Variants in GEMIN7 observed in about 807,000 individuals in gnomAD.
The protein encoded by GEMIN7 is gem nuclear organelle associated protein 7, also known as gem-associated protein 7.
In GEMIN7, 7 loss-of-function variants were observed where a neutral mutation model predicts 7.8. The ratio of observed to expected loss-of-function variants is 0.90; its 90% confidence interval spans 0.51 to 1.69. GEMIN7 has a LOEUF of 1.69. Ranked by LOEUF, GEMIN7 falls within the 40% of genes most tolerant of loss-of-function variation. The pLI is 0.00. For missense variants in GEMIN7, 159 were observed against 176.2 expected, an observed-to-expected ratio of 0.90 and a Z score of 0.55; for synonymous variants, 68 against 72.4, an observed-to-expected ratio of 0.94 and a Z score of 0.31.
chr19:45,079,119 A>G (rs376551838), upstream of GEMIN7: 34 of 152,114 alleles, frequency 2.2e-4, no homozygotes, highest in African/African-American at 8.2e-4. Flanking sequence ...CCAGGTGGCG[A>G]CCCGGGCTGT....
intron 2 of GEMIN7, among the ~76,000 whole-genome samples, chr19:45,080,765 G>T (rs56133643): frequency 0.56 from 74,846 of 134,634 alleles, 20,943 homozygotes; most frequent in African/African-American, 0.66. Context: ...CTTGTTTTTT[G>T]TTTTTTTTTT....
intron 2 of GEMIN7, among the ~76,000 whole-genome samples, chr19:45,085,914 CT>C (rs1169845243): frequency 1.4e-5 from 2 of 144,658 alleles, no homozygotes; most frequent in African/African-American, 2.6e-5. Flanking sequence ...GTCGCCCAGG[CT>C]GGAGTGCAGT....
intron 2 of GEMIN7, among the ~76,000 whole-genome samples, chr19:45,082,505 A>G (rs986500754): frequency 1.6e-4 from 25 of 152,282 alleles, no homozygotes; most frequent in African/African-American, 6.0e-4. Context: ...TGAGCCCACA[A>G]AGGCGGAACT....
At chr19:45,085,993 G>A (rs369854828) in intron 2 of GEMIN7, among the ~76,000 whole-genome samples, 2 of 142,472 alleles carry the variant, frequency 1.4e-5, no homozygotes, top group Non-Finnish European at 3.0e-5. Flanking sequence ...TCAGCCTCCC[G>A]AGTAGCTGGG....
At chr19:45,075,972 G>A (rs1967339186), upstream of GEMIN7, 1 of 1,580,586 alleles carries the variant, frequency 6.3e-7, no homozygotes, top group Non-Finnish European at 8.6e-7. Context: ...GGGCAGGACG[G>A]GGCGAAGGAG....
chr19:45,082,173 T>C (rs1967525909), intron 2 of GEMIN7, among the ~76,000 whole-genome samples: 1 of 152,056 alleles, frequency 6.6e-6, no homozygotes, highest in South Asian at 2.1e-4. Context: ...ACCCAAATTG[T>C]CATCACAGCC....
intron 2 of GEMIN7, among the ~76,000 whole-genome samples, chr19:45,081,284 G>C (rs10401638): frequency 0.56 from 84,870 of 151,890 alleles, 24,534 homozygotes; most frequent in African/African-American, 0.68. Context: ...TGGCCAAACC[G>C]CGTCTCTACT....
chr19:45,076,424 G>C (rs935184737), upstream of GEMIN7: 1 of 1,201,586 alleles, frequency 8.3e-7, no homozygotes, highest in African/African-American at 1.6e-5. This position sits in a 1 kb window ranked among gnomAD's most constrained non-coding sequence, Gnocchi z 4.9. Context: ...AGGCGGGCGG[G>C]CGGAGGACGC....
chr19:45,079,868 G>C (rs1261327922), intron 1 of GEMIN7, 39 bp from the exon 2 acceptor site: 1 of 152,266 alleles, frequency 6.6e-6, no homozygotes, highest in Non-Finnish European at 1.5e-5. Flanking sequence ...ATGTGTGTGT[G>C]TGTCTGTGGA....
rs940234451 is a variant in GEMIN7 at position 45,079,999 on chromosome 19, T to C, written c.-39T>C. 1.8e-4 allele frequency: 28 copies of C among 152,260 alleles called. No homozygotes were observed. Among genetic ancestry groups the C allele is most frequent in the African/African-American group, 6.5e-4 (27 of 41,448 alleles). The allele number at this position is 152,260 out of a possible 1,614,324, so 9.4% of individuals were successfully genotyped here. ...ATGTTTGTCCACTGAGCTGATCTCC[T>C]CTCTGGAGCACCGGGGCCACCAGGA... On this transcript the variant is annotated 5_prime_UTR_variant, in exon 2 of 3. Coordinates refer to ENST00000270257, the MANE Select transcript of GEMIN7 (RefSeq NM_024707.3).
intron 2 of GEMIN7, among the ~76,000 whole-genome samples, chr19:45,087,946 T>A (rs1163884886): frequency 1.9e-4 from 7 of 36,122 alleles, no homozygotes; most frequent in African/African-American, 1.0e-3. Flanking sequence ...TATATAATTT[T>A]TTTTTTTTTT....
intron 2 of GEMIN7, among the ~76,000 whole-genome samples, chr19:45,087,429 C>T (rs1313368696): frequency 6.6e-6 from 1 of 152,176 alleles, no homozygotes; most frequent in East Asian, 1.9e-4. Flanking sequence ...AGGCATGCGC[C>T]GCCATGCCCA....
chr19:45,081,787 C>A (rs879747139), intron 2 of GEMIN7, among the ~76,000 whole-genome samples: 1 of 152,072 alleles, frequency 6.6e-6, no homozygotes, highest in Non-Finnish European at 1.5e-5. Context: ...CCACCACACC[C>A]AGCTAACTTT....
chr19:45,082,190 G>C lies in GEMIN7; in HGVS notation c.-9+2161G>C, dbSNP rs988207995. ...CCAAATTGTCATCACAGCCCACAAG[G>C]CACTCTCTCTGTCCCTGCCCCCACC... On this transcript the variant is annotated intron_variant, in intron 2 of 2. Coordinates refer to ENST00000270257, the MANE Select transcript of GEMIN7 (RefSeq NM_024707.3). Among the ~76,000 whole-genome samples the C allele has an allele frequency of 2.6e-5, 4 of 152,084 alleles. No homozygotes were observed. The South Asian group carries it at 8.3e-4, about 32-fold the overall frequency.
chr19:45,080,910 G>C (rs1422501041), intron 2 of GEMIN7, among the ~76,000 whole-genome samples: 3 of 152,104 alleles, frequency 2.0e-5, no homozygotes, highest in Admixed American at 1.3e-4. Context: ...CTAGAGACTA[G>C]GGGGTTTCTC....
upstream of GEMIN7, chr19:45,075,631 C>G (rs1316014793): frequency 6.5e-7 from 1 of 1,529,040 alleles, no homozygotes; most frequent in Non-Finnish European, 8.9e-7. Context: ...GTGCTCAGTG[C>G]CCTGCCGTCC....
At position 45,089,301 on chromosome 19, in the gene GEMIN7, A is replaced by G. The variant is rs145842947; in HGVS notation, c.-8-806A>G. Among the ~76,000 whole-genome samples the G allele has an allele frequency of 1.2e-3, 178 of 152,288 alleles. 3 individuals carry two copies. Among genetic ancestry groups the G allele is most frequent in the Non-Finnish European group, 2.6e-4 (18 of 68,022 alleles). On this transcript the variant is annotated intron_variant, in intron 2 of 2. Coordinates refer to ENST00000270257, the MANE Select transcript of GEMIN7 (RefSeq NM_024707.3). ...TTTATTTACTTGCCAGTCTACAGTA[A>G]GGATTATATTTTCCTTCTCTTCCTT...
chr19:45,081,720 G>A (rs1427125890), intron 2 of GEMIN7, among the ~76,000 whole-genome samples: 2 of 151,922 alleles, frequency 1.3e-5, no homozygotes, highest in Non-Finnish European at 2.9e-5. Context: ...TCCGCTTCCC[G>A]GGTTCAAGCG....
chr19:45,089,726 C>T (rs1170336455), intron 2 of GEMIN7, among the ~76,000 whole-genome samples: 1 of 152,104 alleles, frequency 6.6e-6, no homozygotes, highest in Non-Finnish European at 1.5e-5. Flanking sequence ...CTATATTGCC[C>T]AGGCTGGTCT....
Sources: allele counts gnomAD v4.1 joint callset (sites outside exome capture counted in the v4.1 genomes callset), GRCh38; gene constraint gnomAD v4.1.1; non-coding constraint Gnocchi (gnomAD v3.1); transcripts MANE v1.5; gene names NCBI Gene and HGNC (gene_info 2026-07-23, HGNC 2026-07-21).